The following USP43 variants were observed in gnomAD, a reference collection of about 807,000 sequenced individuals.
USP43 encodes the protein ubiquitin carboxyl-terminal hydrolase 43.
USP43 carries 33 observed loss-of-function variants against 90.7 expected under a neutral mutation model. The ratio of observed to expected loss-of-function variants is 0.36; its 90% CI spans 0.28 to 0.49. USP43 has a LOEUF of 0.49. USP43 is among the 20% of genes least tolerant of loss of function. The pLI, the probability that USP43 is intolerant of heterozygous loss-of-function variation, is 0.98. For synonymous variants in USP43, 598 were observed against 615.8 expected (o/e 0.97, Z 0.43); for missense variants, 1,274 against 1,476.4 (o/e 0.86, Z 2.25).
intron 8 of USP43, among the ~76,000 whole-genome samples, chr17:9,689,216 A>G (rs1914781316): frequency 6.6e-6 from 1 of 152,176 alleles, no homozygotes; most frequent in African/African-American, 2.4e-5. Flanking sequence ...ACTGGTTCAA[A>G]TATAGTCATT....
intron 14 of USP43, among the ~76,000 whole-genome samples, chr17:9,720,338 AAAG>A (rs1453346965): frequency 0.021 from 2,978 of 144,920 alleles, 69 homozygotes; most frequent in East Asian, 0.11. Context: ...AAAAAAAAAA[AAAG>A]AAAGAAAGAA....
At chr17:9,696,471 G>A (rs554696931) in intron 9 of USP43, among the ~76,000 whole-genome samples, 4 of 152,102 alleles carry the variant, frequency 2.6e-5, no homozygotes, top group African/African-American at 7.2e-5. Context: ...TCTGTCTACT[G>A]CCTTTAGGCC....
chr17:9,713,855 G>T (rs570681234), intron 14 of USP43, among the ~76,000 whole-genome samples: 40 of 152,276 alleles, frequency 2.6e-4, no homozygotes, highest in African/African-American at 9.6e-4. Context: ...ATTCTGGAGG[G>T]AAGTCAAGAA....
chr17:9,722,546 G>A (rs1377447640), intron 14 of USP43, among the ~76,000 whole-genome samples: 4 of 152,194 alleles, frequency 2.6e-5, no homozygotes, highest in Middle Eastern at 3.4e-3. Flanking sequence ...AGCGAGTCGC[G>A]CTTTGTTTCC....
intron 9 of USP43, among the ~76,000 whole-genome samples, chr17:9,697,240 A>G (rs1431254601): frequency 6.6e-6 from 1 of 152,054 alleles, no homozygotes; most frequent in African/African-American, 2.4e-5. Context: ...TAAATAAATA[A>G]AATAAAAAAG....
At chr17:9,697,352 G>C (rs1241915124) in intron 9 of USP43, among the ~76,000 whole-genome samples, 1 of 149,232 alleles carries the variant, frequency 6.7e-6, no homozygotes, top group Non-Finnish European at 1.5e-5. Context: ...TTTTTTTTAA[G>C]ATTCATGGGT....
intron 10 of USP43, among the ~76,000 whole-genome samples, chr17:9,700,480 G>T (rs1915506466): frequency 6.6e-6 from 1 of 152,202 alleles, no homozygotes; most frequent in African/African-American, 2.4e-5. Flanking sequence ...GTCAGAAGTA[G>T]TAACTGCAGT....
chr17:9,704,404 G>A (rs1197523194), intron 12 of USP43, among the ~76,000 whole-genome samples: 1 of 152,148 alleles, frequency 6.6e-6, no homozygotes, highest in Non-Finnish European at 1.5e-5. Flanking sequence ...CTGGATTCAA[G>A]TGATTCTCCT....
rs1029059113 is a variant in USP43 at position 9,688,142 on chromosome 17, C to T, written c.1353+1233C>T. On this transcript the variant is annotated intron_variant, in intron 8 of 14. Coordinates refer to ENST00000285199, the MANE Select transcript of USP43 (RefSeq NM_153210.5). ...CTGGGACTACAGGCGCCCGCCACCACGCCCAGCTAACTTTTTTGTATTTTT... is the reference window on the plus strand; with the variant it reads ...CTGGGACTACAGGCGCCCGCCACCATGCCCAGCTAACTTTTTTGTATTTTT... 4.6e-5 allele frequency among the ~76,000 whole-genome samples: 7 copies of T among 151,696 alleles called. No homozygotes were observed. In the East Asian group the frequency reaches 1.2e-3, roughly 25 times the overall value.
intron 4 of USP43, among the ~76,000 whole-genome samples, chr17:9,676,213 A>G (rs997884497): frequency 3.3e-5 from 5 of 152,138 alleles, no homozygotes; most frequent in African/African-American, 9.7e-5. Context: ...GGACATCTCT[A>G]TGGTGATTCT....
At chr17:9,721,880 G>A (rs922634894) in intron 14 of USP43, among the ~76,000 whole-genome samples, 6 of 149,350 alleles carry the variant, frequency 4.0e-5, no homozygotes, top group Non-Finnish European at 8.9e-5. Flanking sequence ...ACAGGTGCCC[G>A]CCACCACACC....
chr17:9,691,337 C>T (rs1242473414), intron 8 of USP43, among the ~76,000 whole-genome samples: 5 of 151,794 alleles, frequency 3.3e-5, no homozygotes, highest in South Asian at 2.1e-4. Context: ...AGGCTGATCT[C>T]GAACTCCTGA....
Position 9,662,264 on chromosome 17 carries a change from G to A in USP43, c.637-4384G>A, listed in dbSNP as rs530275535. Among the ~76,000 whole-genome samples, 30 of 152,272 alleles carry A rather than the reference G, an allele frequency of 2.0e-4. No individual in the cohort carries two copies. In the South Asian group the frequency reaches 5.6e-3, roughly 28 times the overall value. On this transcript the variant is annotated intron_variant, in intron 2 of 14. Coordinates refer to ENST00000285199, the MANE Select transcript of USP43 (RefSeq NM_153210.5). ...CAAAACAGGGGTTGCTACTACCAAA[G>A]GAGGAGGAGTGGATACGGGGCAGTC...
rs756932484 is a variant in USP43, at chr17:9,728,007, A to G, written c.2389A>G (p.Met797Val). Residue 797 changes from methionine to valine, a missense_variant, in exon 15 of 15, where the codon ATG (methionine) becomes GTG (valine). Physicochemically the swap from Met to Val is conservative, Grantham distance 21 (BLOSUM62 1). Around this residue, in one of 6 missense-constraint regions of USP43, gnomAD observed 285 missense variants for 349.6 expected, o/e 0.82. Coordinates refer to ENST00000285199, the MANE Select transcript of USP43 (RefSeq NM_153210.5). The surrounding 1 kb of genome is among the most constrained non-coding windows in gnomAD (Gnocchi z 6.2). ...GGGCGTGAAAGGCAGAAGCATTAGC[A>G]TGAAGGCACCCACCACTTCCCGAGC... is the stretch of plus-strand genomic sequence containing the variant. ...VRGVKGRSIS[M>V]KAPTTSRAKQ... 4.8e-5 allele frequency: 77 copies of G among 1,613,218 alleles called. No individual in the cohort carries two copies. The highest frequency in any genetic ancestry group is 5.9e-5 in the Non-Finnish European group (70 of 1,179,412).
intron 9 of USP43, among the ~76,000 whole-genome samples, chr17:9,695,135 A>G (rs1219151253): frequency 6.7e-6 from 1 of 150,036 alleles, no homozygotes; most frequent in East Asian, 2.0e-4. Flanking sequence ...GCCCCTGTTC[A>G]CCCCACTCCC....
Position 9,728,482 on chromosome 17 carries a change from G to A in USP43, c.2864G>A (p.Trp955Ter). Residue 955 changes from tryptophan to a stop codon, truncating the protein, a stop_gained, in exon 15 of 15, where the codon TGG (tryptophan) becomes TAG (stop). Coordinates refer to ENST00000285199, the MANE Select transcript of USP43 (RefSeq NM_153210.5). LOFTEE classifies it low-confidence loss of function (END_TRUNC). The surrounding 1 kb of genome is among the most constrained non-coding windows in gnomAD (Gnocchi z 6.2). ...ARPEGQKAMN[W>*]KESFQMGSKS... Reference sequence around the variant, plus strand: ...CCGGAGGGCCAGAAGGCCATGAACTGGAAGGAGAGCTTCCAGATGGGAAGC... The same window carrying A: ...CCGGAGGGCCAGAAGGCCATGAACTAGAAGGAGAGCTTCCAGATGGGAAGC... 6.2e-7 allele frequency: 1 copy of A among 1,613,688 alleles called. No homozygotes were observed. Among genetic ancestry groups the A allele is most frequent in the Non-Finnish European group, 8.5e-7 (1 of 1,179,768 alleles).
At chr17:9,681,410 A>G (rs1914232309) in intron 6 of USP43, among the ~76,000 whole-genome samples, 1 of 117,492 alleles carries the variant, frequency 8.5e-6, no homozygotes. Context: ...TATGTAATAT[A>G]TTATATAGCT....
chr17:9,649,499 C>T (rs893734803), intron 1 of USP43, among the ~76,000 whole-genome samples: 1 of 151,950 alleles, frequency 6.6e-6, no homozygotes, highest in African/African-American at 2.4e-5. Flanking sequence ...TAGTGCTCAA[C>T]AGGAAGGTTT....
intron 1 of USP43, among the ~76,000 whole-genome samples, chr17:9,647,335 G>A (rs1911503327): frequency 6.6e-6 from 1 of 152,120 alleles, no homozygotes; most frequent in African/African-American, 2.4e-5. Context: ...GGGTCAAATG[G>A]TTGTCACTAA....
Sources: gnomAD v4.1 joint callset for allele counts (sites outside exome capture counted in the v4.1 genomes callset) on GRCh38, gnomAD v4.1.1 for gene constraint, gnomAD v4.1.1 regional missense constraint, Gnocchi (gnomAD v3.1) non-coding constraint, MANE v1.5 for transcripts, NCBI Gene and HGNC (gene_info 2026-07-23, HGNC 2026-07-21) for gene names.